Variants in BASP1 observed in about 807,000 individuals in gnomAD.
BASP1 encodes brain abundant membrane attached signal protein 1, also known as brain acid soluble protein 1.
A neutral mutation model predicts 2.2 loss-of-function variants in BASP1; 1 was observed. The ratio of observed to expected loss-of-function variants is 0.46; its 90% CI spans 0.16 to 2.17. BASP1 has a LOEUF of 2.17. BASP1 is among the 30% of genes most tolerant of loss of function. The pLI is 0.27. For synonymous variants in BASP1, 187 were observed against 154.2 expected, an observed-to-expected ratio of 1.21 and a Z score of -1.58; for missense variants, 352 against 327.2, an observed-to-expected ratio of 1.08 and a Z score of -0.58.
chr5:17,275,137 A>T lies in BASP1; in HGVS notation c.-9-71A>T. 1 of 1,513,542 alleles carries T rather than the reference A, an allele frequency of 6.6e-7. No individual in the cohort carries two copies. The highest frequency in any genetic ancestry group is 9.0e-7 in the Non-Finnish European group (1 of 1,106,154). 93.8% of individuals were successfully genotyped at this position (1,513,542 alleles called of 1,614,324 possible). A position where few individuals can be genotyped will look rare whatever the true frequency, so the allele number is the denominator to read the frequency against. On this transcript the variant is annotated intron_variant, in intron 1 of 1. Transcript: ENST00000322611. This position sits in a 1 kb window ranked among gnomAD's most constrained non-coding sequence, Gnocchi z 5.3. ...AGGCCCAGAACCCCTTGCTTTGCAA[A>T]ATGCAGCTTTTTGTGGTCCCCACAC...
chr5:17,226,275 ACTT>A (rs1739503196), intron 1 of BASP1, among the ~76,000 whole-genome samples: 1 of 152,264 alleles, frequency 6.6e-6, no homozygotes, highest in African/African-American at 2.4e-5. Flanking sequence ...AGAGAAAAAT[ACTT>A]CTTTTTTAAG....
Position 17,259,636 on chromosome 5 carries a change from T to C in BASP1, c.-9-15572T>C, listed in dbSNP as rs144694449. ...GCCAAAAAAAATTGATACATGAAAA[T>C]GTCAATATGTAAGAATTTTAGGTGG... On this transcript the variant is annotated intron_variant, in intron 1 of 1. Coordinates refer to ENST00000322611, the MANE Select transcript of BASP1 (RefSeq NM_006317.5). Among the ~76,000 whole-genome samples, 1,097 of 152,218 alleles carry C rather than the reference T, an allele frequency of 7.2e-3. 10 individuals are homozygous for C. Among genetic ancestry groups the C allele is most frequent in the Non-Finnish European group, 0.011 (777 of 68,014 alleles).
intron 1 of BASP1, among the ~76,000 whole-genome samples, chr5:17,246,799 A>G (rs1205486256): frequency 6.6e-6 from 1 of 152,138 alleles, no homozygotes; most frequent in Non-Finnish European, 1.5e-5. Context: ...TGAAAATAGC[A>G]TTTTTGCTCC....
At position 17,275,152 on chromosome 5, in the gene BASP1, G is replaced by C. The variant is rs1403590571; in HGVS notation, c.-9-56G>C. The C allele has an allele frequency of 2.6e-6, 4 of 1,565,478 alleles. No homozygotes were observed. The highest frequency in any genetic ancestry group is 2.7e-5 in the African/African-American group (2 of 73,478). On this transcript the variant is annotated intron_variant, in intron 1 of 1. Transcript: ENST00000322611. This position sits in a 1 kb window ranked among gnomAD's most constrained non-coding sequence, Gnocchi z 5.3. ...TGCTTTGCAAAATGCAGCTTTTTGT[G>C]GTCCCCACACTTGCCTAGTAACCGC...
At chr5:17,228,093 G>A (rs2731800) in intron 1 of BASP1, among the ~76,000 whole-genome samples, 5,454 of 152,290 alleles carry the variant, frequency 0.036, 300 homozygotes, top group African/African-American at 0.12. Context: ...CATCTGACCC[G>A]ATGATTGACT....
intron 1 of BASP1, among the ~76,000 whole-genome samples, chr5:17,238,757 T>C (rs1371334324): frequency 6.6e-6 from 1 of 152,240 alleles, no homozygotes; most frequent in Non-Finnish European, 1.5e-5. Flanking sequence ...TATTTAAACA[T>C]GACTCATAGT....
Position 17,276,674 on chromosome 5 carries a change from A to T in BASP1, c.*774A>T, listed in dbSNP as rs1740669271. On this transcript the variant is annotated 3_prime_UTR_variant, in exon 2 of 2. Transcript: ENST00000322611. ...AAAAGTCTGCGTTCATTGCAGTTCC[A>T]GTTTCTCTTCCATTCTGTGTCACAG... The T allele has an allele frequency of 6.2e-6, 1 of 160,072 alleles. No homozygotes were observed. Among genetic ancestry groups the T allele is most frequent in the African/African-American group, 2.5e-5 (1 of 39,886 alleles). 9.9% of individuals were successfully genotyped at this position (160,072 alleles called of 1,614,324 possible).
chr5:17,235,067 C>T (rs1739713855), intron 1 of BASP1, among the ~76,000 whole-genome samples: 1 of 151,968 alleles, frequency 6.6e-6, no homozygotes, highest in Admixed American at 6.6e-5. Flanking sequence ...AAAAGATTTC[C>T]AAGAGTAGCT....
intron 1 of BASP1, among the ~76,000 whole-genome samples, chr5:17,238,458 C>T (rs144906269): frequency 1.4e-4 from 21 of 152,220 alleles, no homozygotes; most frequent in Non-Finnish European, 2.4e-4. Context: ...TGGAGACTAA[C>T]GTCAAGCTTC....
chr5:17,248,543 GTTGT>G (rs1431592184), intron 1 of BASP1, among the ~76,000 whole-genome samples: 2 of 152,172 alleles, frequency 1.3e-5, no homozygotes, highest in African/African-American at 4.8e-5. Flanking sequence ...CGGGTATGCT[GTTGT>G]TTAATAATCA....
Position 17,276,076 on chromosome 5 carries a change from G to GA in BASP1, c.*181dup, listed in dbSNP as rs1561180517. 1 of 183,082 alleles carries GA rather than the reference G, an allele frequency of 5.5e-6. No individual in the cohort carries two copies. The highest frequency in any genetic ancestry group is 2.8e-5 in the African/African-American group (1 of 35,642). The allele number at this position is 183,082 out of a possible 1,614,324, so 11.3% of individuals were successfully genotyped here. A position where few individuals can be genotyped will look rare whatever the true frequency, so the allele number is the denominator to read the frequency against. ...GAAGTAATGATATGTATTGCCCAAGGAAAAATACAGGATGTTGTCCCATCA... is the reference window on the plus strand; with the variant it reads ...GAAGTAATGATATGTATTGCCCAAGGAAAAAATACAGGATGTTGTCCCATCA... On this transcript the variant is annotated 3_prime_UTR_variant, in exon 2 of 2. Coordinates refer to ENST00000322611, the MANE Select transcript of BASP1 (RefSeq NM_006317.5).
chr5:17,222,206 C>T (rs1386322280), intron 1 of BASP1, among the ~76,000 whole-genome samples: 1 of 152,080 alleles, frequency 6.6e-6, no homozygotes, highest in Non-Finnish European at 1.5e-5. Flanking sequence ...TTCCTATTTT[C>T]TGTCCTTGTG....
In BASP1 at chr5:17,275,980, T is replaced by G; in HGVS notation, c.*80T>G. On this transcript the variant is annotated 3_prime_UTR_variant, in exon 2 of 2. Coordinates refer to ENST00000322611, the MANE Select transcript of BASP1 (RefSeq NM_006317.5). This position sits in a 1 kb window ranked among gnomAD's most constrained non-coding sequence, Gnocchi z 5.3. Reference sequence around the variant, plus strand: ...CTCTCTCTCTCTCTCTATCTCTCTCTCTATCTCCTCTCTCTCTCTCCTCTC... The same window carrying G: ...CTCTCTCTCTCTCTCTATCTCTCTCGCTATCTCCTCTCTCTCTCTCCTCTC... 2.4e-6 allele frequency: 3 copies of G among 1,259,264 alleles called. No homozygotes were observed. Among genetic ancestry groups the G allele is most frequent in the Non-Finnish European group, 3.2e-6 (3 of 940,944 alleles). 78.0% of individuals were successfully genotyped at this position (1,259,264 alleles called of 1,614,324 possible).
In BASP1 at chr5:17,249,849, A is replaced by G. The variant is rs75579770; in HGVS notation, c.-9-25359A>G. Among the ~76,000 whole-genome samples the G allele has an allele frequency of 4.0e-3, 606 of 152,160 alleles. 4 individuals are homozygous for G. The highest frequency in any genetic ancestry group is 0.014 in the African/African-American group (581 of 41,544). On this transcript the variant is annotated intron_variant, in intron 1 of 1. Transcript: ENST00000322611. The stretch of plus-strand genomic sequence containing the variant: ...AAGGCTTCTCATTCTAATGTGTTTT[A>G]AGGATTTCCTTTTATTTTTACCTAT...
At chr5:17,254,596 C>A (rs777402022) in intron 1 of BASP1, among the ~76,000 whole-genome samples, 2 of 152,176 alleles carry the variant, frequency 1.3e-5, no homozygotes, top group African/African-American at 4.8e-5. Context: ...CAGTTTGCAA[C>A]GGATCTGCAG....
Position 17,275,806 on chromosome 5 carries a change from C to A in BASP1, c.590C>A (p.Pro197His). The A allele has an allele frequency of 1.2e-6, 2 of 1,612,734 alleles. No homozygotes were observed. The highest frequency in any genetic ancestry group is 1.7e-6 in the Non-Finnish European group (2 of 1,179,540). The change falls in exon 2 of 2, where the codon CCC (proline) becomes CAC (histidine). Residue 197 changes from proline to histidine, a missense_variant. Pro to His is a moderately conservative substitution (Grantham distance 77, BLOSUM62 -2). Transcript: ENST00000322611. This position sits in a 1 kb window ranked among gnomAD's most constrained non-coding sequence, Gnocchi z 5.3. ...GCCACGGAAGCGCCTAGTTCCACAC[C>A]CAAGGCCCAGGGCCCCGCAGCCTCT... is the stretch of plus-strand genomic sequence containing the variant. The part of the protein sequence containing the change: ...PAATEAPSST[P>H]KAQGPAASAE...
intron 1 of BASP1, among the ~76,000 whole-genome samples, chr5:17,261,870 C>T (rs926933609): frequency 1.3e-5 from 2 of 152,186 alleles, no homozygotes; most frequent in Non-Finnish European, 2.9e-5. Context: ...ACCATTGTGG[C>T]TTTCTCTTCT....
intron 1 of BASP1, among the ~76,000 whole-genome samples, chr5:17,240,174 T>C (rs1739834681): frequency 7.0e-6 from 1 of 142,594 alleles, no homozygotes; most frequent in Admixed American, 6.9e-5. Flanking sequence ...AAATAACAGG[T>C]TGGAGCCCAG....
Position 17,275,558 on chromosome 5 carries a change from T to G in BASP1, c.342T>G (p.Ala114=), listed in dbSNP as rs1307744916. ...AGGAGCAGGCGGCCCCCGGCCCCGC[T>G]GCGGGCGGCGAGGCCCCCAAAGCTG... is the stretch of plus-strand genomic sequence containing the variant. The part of the protein sequence containing the change: ...PEQEQAAPGP[A]AGGEAPKAAE... Residue 114 remains alanine (A), a synonymous_variant, in exon 2 of 2, where the codon GCT becomes GCG. Transcript: ENST00000322611. This position sits in a 1 kb window ranked among gnomAD's most constrained non-coding sequence, Gnocchi z 5.3. 6 of 1,394,604 alleles carry G rather than the reference T, an allele frequency of 4.3e-6. No individual in the cohort carries two copies. Among genetic ancestry groups the G allele is most frequent in the South Asian group, 1.6e-5 (1 of 60,912 alleles). 86.4% of individuals were successfully genotyped at this position (1,394,604 alleles called of 1,614,324 possible).
Sources: allele counts gnomAD v4.1 joint callset (sites outside exome capture counted in the v4.1 genomes callset), GRCh38; gene constraint gnomAD v4.1.1; non-coding constraint Gnocchi (gnomAD v3.1); transcripts MANE v1.5; gene names NCBI Gene and HGNC (gene_info 2026-07-23, HGNC 2026-07-21).